The following TPTE variants were observed in gnomAD, a reference collection of about 807,000 sequenced individuals.
The protein encoded by TPTE is transmembrane phosphatase with tensin homology.
TPTE carries 59 observed loss-of-function variants against 84.1 expected under a neutral mutation model. The observed-to-expected ratio is 0.70, with a 90% CI of 0.57 to 0.87. The LOEUF (loss-of-function observed/expected upper bound fraction) is 0.87. Ranked by LOEUF, TPTE falls within the 40% of genes least tolerant of loss-of-function variation. TPTE has a pLI of 0.00. For synonymous variants in TPTE, 130 were observed against 223.5 expected, an observed-to-expected ratio of 0.58 and a Z score of 3.73; for missense variants, 382 against 659.6, an observed-to-expected ratio of 0.58 and a Z score of 4.61.
At chr21:10,542,518 G>A (rs1236115845) in intron 6 of TPTE, 70 bp downstream of exon 6, 1 of 1,572,076 alleles carries the variant, frequency 6.4e-7, no homozygotes, top group Non-Finnish European at 8.7e-7. Context: ...ACAGGCACAT[G>A]AGCAAGTATA....
At chr21:10,570,882 T>C (rs111867494) in intron 14 of TPTE, among the ~76,000 whole-genome samples, 295 of 151,922 alleles carry the variant, frequency 1.9e-3, no homozygotes, top group African/African-American at 6.8e-3. Context: ...TACTGGGTCA[T>C]CTGAGGACTG....
chr21:10,538,986 A>G (rs966008360), intron 4 of TPTE, among the ~76,000 whole-genome samples: 1 of 152,306 alleles, frequency 6.6e-6, no homozygotes, highest in Non-Finnish European at 1.5e-5. Context: ...TTTTAACAGG[A>G]TTTCCAATTC....
intron 17 of TPTE, among the ~76,000 whole-genome samples, chr21:10,588,519 A>T (rs1179935152): frequency 6.6e-6 from 1 of 152,310 alleles, no homozygotes. Context: ...AGTATCTCAC[A>T]GGTGCCGTCT....
chr21:10,588,140 C>T (rs1187331896), intron 17 of TPTE, among the ~76,000 whole-genome samples: 1 of 152,310 alleles, frequency 6.6e-6, no homozygotes, highest in Non-Finnish European at 1.5e-5. Context: ...TGAGCCACTG[C>T]ACCTGGCCCA....
chr21:10,572,851 A>T (rs2075073789), intron 14 of TPTE, among the ~76,000 whole-genome samples: 1 of 152,308 alleles, frequency 6.6e-6, no homozygotes, highest in Non-Finnish European at 1.5e-5. Flanking sequence ...TGAGAAAGAG[A>T]AAGGAATCAA....
At chr21:10,546,707 G>A (rs1214512759) in intron 7 of TPTE, among the ~76,000 whole-genome samples, 3 of 152,310 alleles carry the variant, frequency 2.0e-5, no homozygotes, top group Non-Finnish European at 4.4e-5. Context: ...GATCAAACCG[G>A]CCACAGCATT....
At chr21:10,590,650 A>C (rs1252899135) in intron 18 of TPTE, 127 bp downstream of exon 18, 1 of 1,480,430 alleles carries the variant, frequency 6.8e-7, no homozygotes, top group Non-Finnish European at 9.2e-7. Flanking sequence ...TTAGAGAAGC[A>C]GTCTTTAGAA....
intron 7 of TPTE, among the ~76,000 whole-genome samples, chr21:10,548,669 A>G (rs1280623704): frequency 6.6e-6 from 1 of 152,308 alleles, no homozygotes; most frequent in Non-Finnish European, 1.5e-5. Flanking sequence ...AGCCCTGGCA[A>G]AGATACCTTC....
chr21:10,549,656 T>TA (rs2074536453), intron 7 of TPTE, among the ~76,000 whole-genome samples: 1 of 152,274 alleles, frequency 6.6e-6, no homozygotes, highest in Non-Finnish European at 1.5e-5. Context: ...AAAAAAAGGA[T>TA]AAAAAAGAAT....
At chr21:10,536,330 TCAA>T (rs1460415278) in intron 3 of TPTE, among the ~76,000 whole-genome samples, 1 of 152,304 alleles carries the variant, frequency 6.6e-6, no homozygotes, top group Non-Finnish European at 1.5e-5. Context: ...TATTTAAATG[TCAA>T]CCAGATAGTA....
intron 3 of TPTE, among the ~76,000 whole-genome samples, chr21:10,535,956 T>G: frequency 6.6e-6 from 1 of 152,426 alleles, no homozygotes; most frequent in South Asian, 2.1e-4. Flanking sequence ...AGAGGCATGT[T>G]TCCTTACAGA....
Position 10,603,574 on chromosome 21 carries a change from T to C in TPTE, c.1462T>C (p.Tyr488His), listed in dbSNP as rs146928839. 1.9e-4 allele frequency: 302 copies of C among 1,611,078 alleles called. No individual in the cohort carries two copies. The highest frequency in any genetic ancestry group is 9.3e-4 in the South Asian group (84 of 90,588). ...VQFFYSNLPTYYDNCSFYFWL... is the reference protein window; with the variant it reads ...VQFFYSNLPTHYDNCSFYFWL... Reference sequence around the variant, plus strand: ...TTTTTCTTTTTAGAATCTTCCTACATACTATGACAATTGCTCATTTTACTT... The same window carrying C: ...TTTTTCTTTTTAGAATCTTCCTACACACTATGACAATTGCTCATTTTACTT... The change falls in exon 23 of 24, where the codon TAC (tyrosine) becomes CAC (histidine). Residue 488 changes from tyrosine (Y) to histidine (H), a missense_variant. This residue lies in a region of TPTE where 120 missense variants were observed against 79.1 expected (regional missense o/e 1.52). Coordinates refer to ENST00000618007, the MANE Select transcript of TPTE (RefSeq NM_199261.4).
chr21:10,602,958 G>T (rs1978757826), intron 22 of TPTE, among the ~76,000 whole-genome samples: 2 of 152,304 alleles, frequency 1.3e-5, no homozygotes, highest in Admixed American at 6.5e-5. Context: ...TGACTGAGAG[G>T]TGGTCACTGA....
intron 14 of TPTE, among the ~76,000 whole-genome samples, chr21:10,573,894 G>A (rs1450274918): frequency 6.6e-6 from 1 of 152,312 alleles, no homozygotes; most frequent in Non-Finnish European, 1.5e-5. Flanking sequence ...TCCTCTTCAG[G>A]CCCAGGCTCA....
intron 17 of TPTE, among the ~76,000 whole-genome samples, chr21:10,580,936 A>C (rs2075260556): frequency 6.6e-6 from 1 of 151,860 alleles, no homozygotes; most frequent in Non-Finnish European, 1.5e-5. Flanking sequence ...TTTGGGCTTT[A>C]AATAATCATC....
chr21:10,585,788 T>C (rs1360781618), intron 17 of TPTE, among the ~76,000 whole-genome samples: 1 of 152,306 alleles, frequency 6.6e-6, no homozygotes, highest in African/African-American at 2.4e-5. Flanking sequence ...GTTTTTATAA[T>C]TTTATTTCTT....
At chr21:10,559,844 A>G (rs1454898121) in intron 9 of TPTE, among the ~76,000 whole-genome samples, 1 of 151,846 alleles carries the variant, frequency 6.6e-6, no homozygotes, top group Non-Finnish European at 1.5e-5. Flanking sequence ...ATTGCACCGC[A>G]GCCTTGGCGA....
At chr21:10,525,296 C>T (rs1286750008) in intron 2 of TPTE, among the ~76,000 whole-genome samples, 3 of 152,312 alleles carry the variant, frequency 2.0e-5, no homozygotes, top group Non-Finnish European at 2.9e-5. Context: ...TTGGAGACAG[C>T]CCACCCTTGC....
chr21:10,538,905 C>A (rs1418327461), intron 4 of TPTE, among the ~76,000 whole-genome samples, 171 bp downstream of exon 4: 1 of 152,302 alleles, frequency 6.6e-6, no homozygotes, highest in African/African-American at 2.4e-5. Flanking sequence ...TGGAAACATA[C>A]AACAAGGAGA....
Sources: allele counts gnomAD v4.1 joint callset (sites outside exome capture counted in the v4.1 genomes callset), GRCh38; gene constraint gnomAD v4.1.1; regional missense constraint gnomAD v4.1.1; transcripts MANE v1.5; gene names NCBI Gene and HGNC (gene_info 2026-07-23, HGNC 2026-07-21).